MGAT4C: variants seen among roughly 807,000 people sequenced by gnomAD.
MGAT4C encodes the protein alpha-1,3-mannosyl-glycoprotein 4-beta-N-acetylglucosaminyltransferase C.
MGAT4C carries 19 observed loss-of-function variants against 40.1 expected under a neutral mutation model. The observed-to-expected ratio is 0.47, with a 90% confidence interval of 0.33 to 0.70. The LOEUF (loss-of-function observed/expected upper bound fraction) is 0.70, where lower values mean the gene tolerates loss of function less well. Ranked by LOEUF, MGAT4C falls within the 30% of genes least tolerant of loss-of-function variation. MGAT4C has a pLI of 0.02. For synonymous variants in MGAT4C, 181 were observed against 187.1 expected, an observed-to-expected ratio of 0.97 and a Z score of 0.27; for missense variants, 491 against 563.2, an observed-to-expected ratio of 0.87 and a Z score of 1.30.
chr12:86,604,984 A>G lies in MGAT4C; in HGVS notation c.-229+122225T>C, dbSNP rs1325521600. ...TTTGGGAATTCCTTTCAAAGACCAC[A>G]GAATACAGGAAGTTAATATTTATGG... On this transcript the variant is annotated intron_variant, in intron 2 of 7. Transcript: ENST00000548651. 3.3e-5 allele frequency among the ~76,000 whole-genome samples: 5 copies of G among 152,116 alleles called. No individual in the cohort carries two copies. In the East Asian group the frequency reaches 9.7e-4, roughly 29 times the overall value.
chr12:86,535,394 C>T (rs185476803), intron 2 of MGAT4C, among the ~76,000 whole-genome samples: 1 of 152,120 alleles, frequency 6.6e-6, no homozygotes, highest in Admixed American at 6.6e-5. Context: ...AATGCAATGT[C>T]ATGTCTGATT....
intron 1 of MGAT4C, among the ~76,000 whole-genome samples, chr12:86,800,352 T>G (rs765046672): frequency 2.0e-5 from 3 of 151,926 alleles, no homozygotes; most frequent in Non-Finnish European, 4.4e-5. Context: ...TGTGCCTCCA[T>G]CTGGTCATAG....
chr12:86,669,657 A>T (rs1196298024), intron 2 of MGAT4C, among the ~76,000 whole-genome samples: 1 of 152,144 alleles, frequency 6.6e-6, no homozygotes. Flanking sequence ...CTGTAGGCAG[A>T]CCTGGCCAGT....
At position 85,966,439 on chromosome 12, in the gene MGAT4C, A is replaced by G. The variant is rs1251190192; in HGVS notation, c.*12850T>C. ...CTTTATCATTTGCCAGTGAAAATAT[A>G]AAACCTGGCTGTTTTATTCTATTGT... is the stretch of plus-strand genomic sequence containing the variant. On this transcript the variant is annotated 3_prime_UTR_variant, in exon 5 of 5. Transcript: ENST00000611864. 10 of 152,194 alleles carry G rather than the reference A, an allele frequency of 6.6e-5. No homozygotes were observed. The highest frequency in any genetic ancestry group is 5.9e-4 in the Admixed American group (9 of 15,266). 9.4% of individuals were successfully genotyped at this position (152,194 alleles called of 1,614,324 possible).
rs1436158692 is a variant in MGAT4C at position 86,143,916 on chromosome 12, G to A, written c.-56-94193C>T. Among the ~76,000 whole-genome samples the A allele has an allele frequency of 2.6e-5, 4 of 152,194 alleles. No individual in the cohort carries two copies. The East Asian group carries it at 5.8e-4, about 22-fold the overall frequency. ...GAACATAGGCTAGTAAGTGATTTAGGTGCCTCACTTTTATGGCATTCTTTT... is the reference window on the plus strand; with the variant it reads ...GAACATAGGCTAGTAAGTGATTTAGATGCCTCACTTTTATGGCATTCTTTT... On this transcript the variant is annotated intron_variant, in intron 1 of 4. Transcript: ENST00000611864.
intron 2 of MGAT4C, among the ~76,000 whole-genome samples, chr12:86,698,740 T>C (rs1326599392): frequency 6.6e-6 from 1 of 152,064 alleles, no homozygotes; most frequent in Non-Finnish European, 1.5e-5. Flanking sequence ...TTCAATCACA[T>C]TCAGTTTATT....
chr12:86,273,682 T>C lies in MGAT4C; in HGVS notation c.-57+60383A>G, dbSNP rs117065307. Among the ~76,000 whole-genome samples the C allele has an allele frequency of 3.8e-3, 586 of 152,246 alleles. 3 individuals are homozygous for C. Among genetic ancestry groups the C allele is most frequent in the Admixed American group, 8.5e-3 (130 of 15,284 alleles). ...ACATAGGGTCATTATATAAATAAAATGAGGGTCTTGTAGTGAGACCCCAGT... is the reference window on the plus strand; with the variant it reads ...ACATAGGGTCATTATATAAATAAAACGAGGGTCTTGTAGTGAGACCCCAGT... On this transcript the variant is annotated intron_variant, in intron 4 of 7. Transcript: ENST00000548651.
intron 1 of MGAT4C, among the ~76,000 whole-genome samples, chr12:86,210,343 T>C (rs1006404094): frequency 6.6e-6 from 1 of 152,224 alleles, no homozygotes; most frequent in Non-Finnish European, 1.5e-5. Context: ...CAATAATGTC[T>C]AGAAATGAAG....
intron 2 of MGAT4C, among the ~76,000 whole-genome samples, chr12:86,604,278 A>G (rs566155431): frequency 6.6e-6 from 1 of 152,092 alleles, no homozygotes; most frequent in South Asian, 2.1e-4. Context: ...AGTGATTTTT[A>G]TTTTCTAGGT....
At chr12:86,056,458 C>A (rs1320960428) in intron 1 of MGAT4C, among the ~76,000 whole-genome samples, 1 of 152,118 alleles carries the variant, frequency 6.6e-6, no homozygotes, top group Non-Finnish European at 1.5e-5. Flanking sequence ...TGTTCAATTC[C>A]CACCTATGAG....
chr12:86,293,194 T>C (rs1434092395), intron 4 of MGAT4C, among the ~76,000 whole-genome samples: 1 of 152,158 alleles, frequency 6.6e-6, no homozygotes, highest in East Asian at 1.9e-4. Context: ...TCTTGCTGAT[T>C]TGAATGGGTT....
chr12:86,522,098 T>C (rs1235594214), intron 2 of MGAT4C, among the ~76,000 whole-genome samples: 1 of 152,146 alleles, frequency 6.6e-6, no homozygotes, highest in Non-Finnish European at 1.5e-5. Flanking sequence ...CTTTATCTCT[T>C]TCTGTTGCCT....
At chr12:86,100,007 T>G (rs975838268) in intron 1 of MGAT4C, among the ~76,000 whole-genome samples, 1 of 151,380 alleles carries the variant, frequency 6.6e-6, no homozygotes, top group Non-Finnish European at 1.5e-5. Context: ...ACATTATAAG[T>G]GCACAAAAAC....
chr12:86,305,453 AAAAAAG>A (rs1433006570), intron 4 of MGAT4C, among the ~76,000 whole-genome samples: 1 of 150,160 alleles, frequency 6.7e-6, no homozygotes, highest in African/African-American at 2.5e-5. Flanking sequence ...GAAAAAAAAA[AAAAAAG>A]AAAGAAAGAA....
intron 3 of MGAT4C, among the ~76,000 whole-genome samples, chr12:86,421,601 C>G (rs1371632889): frequency 6.6e-6 from 1 of 152,172 alleles, no homozygotes; most frequent in South Asian, 2.1e-4. Flanking sequence ...CCTAGAGAAA[C>G]CCCGTCTCTA....
intron 2 of MGAT4C, among the ~76,000 whole-genome samples, chr12:86,575,130 C>T (rs1960510698): frequency 2.0e-5 from 3 of 151,738 alleles, no homozygotes; most frequent in Non-Finnish European, 4.4e-5. Context: ...TTTATGCCCT[C>T]ATTCATTCAT....
At chr12:86,218,095 AG>A in intron 1 of MGAT4C, among the ~76,000 whole-genome samples, 1 of 152,100 alleles carries the variant, frequency 6.6e-6, no homozygotes, top group Non-Finnish European at 1.5e-5. Context: ...AAATTGTAAA[AG>A]GTTTTCTTTA....
At chr12:86,702,972 C>A (rs1417795597) in intron 2 of MGAT4C, among the ~76,000 whole-genome samples, 1 of 152,042 alleles carries the variant, frequency 6.6e-6, no homozygotes, top group East Asian at 1.9e-4. Flanking sequence ...GAATGGAGGT[C>A]AAAATATAAG....
intron 2 of MGAT4C, among the ~76,000 whole-genome samples, chr12:86,542,127 T>G (rs1959171346): frequency 1.3e-5 from 2 of 152,164 alleles, no homozygotes; most frequent in Admixed American, 6.6e-5. Context: ...TGAAAACTTG[T>G]AGGATCCCAC....
Sources: gnomAD v4.1 joint callset for allele counts (sites outside exome capture counted in the v4.1 genomes callset) on GRCh38, gnomAD v4.1.1 for gene constraint, MANE v1.5 for transcripts, NCBI Gene and HGNC (gene_info 2026-07-23, HGNC 2026-07-21) for gene names.